NEBL: variants seen among roughly 807,000 people sequenced by gnomAD.
The protein encoded by NEBL is nebulette, also known as LIM and SH3 protein 2.
NEBL carries 122 observed loss-of-function variants against 140.2 expected under a neutral mutation model. The ratio of observed to expected loss-of-function variants is 0.87; its 90% CI spans 0.75 to 1.01. The LOEUF (loss-of-function observed/expected upper bound fraction) is 1.01, where lower values mean the gene tolerates loss of function less well. Ranked by LOEUF, NEBL falls within the 50% of genes least tolerant of loss-of-function variation. The pLI is 0.00. For synonymous variants in NEBL, 436 were observed against 398.9 expected (o/e 1.09, Z -1.11); for missense variants, 1,365 against 1,231.3 (o/e 1.11, Z -1.62).
At chr10:20,868,638 T>C (rs779222329) in intron 7 of NEBL, 26 bp downstream of exon 7, 4 of 1,429,148 alleles carry the variant, frequency 2.8e-6, no homozygotes, top group South Asian at 1.1e-5. Context: ...AATAAAGTCA[T>C]TGTGGAATCA....
At chr10:21,190,609 G>A (rs1589322518) in intron 3 of NEBL, among the ~76,000 whole-genome samples, 1 of 152,176 alleles carries the variant, frequency 6.6e-6, no homozygotes, top group East Asian at 1.9e-4. Context: ...ATTATTAGAA[G>A]TGAATTATAC....
chr10:21,103,562 A>G (rs1837576244), intron 2 of NEBL, among the ~76,000 whole-genome samples: 2 of 152,136 alleles, frequency 1.3e-5, no homozygotes, highest in African/African-American at 4.8e-5. Flanking sequence ...CCATCCTAAC[A>G]AAAGTGGTTT....
intron 10 of NEBL, 139 bp from the exon 11 acceptor site, chr10:20,850,641 G>A (rs1842419721): frequency 3.2e-6 from 2 of 626,376 alleles, no homozygotes. Context: ...TGAGCACTGG[G>A]TTCCCTTTGG....
At chr10:20,886,792 C>T (rs529610452) in intron 4 of NEBL, among the ~76,000 whole-genome samples, 7 of 152,066 alleles carry the variant, frequency 4.6e-5, no homozygotes, top group South Asian at 4.2e-4. Flanking sequence ...GATAAATACA[C>T]GTGAAATGCA....
chr10:20,865,123 C>G (rs1173769313), intron 7 of NEBL, among the ~76,000 whole-genome samples: 1 of 152,108 alleles, frequency 6.6e-6, no homozygotes, highest in Non-Finnish European at 1.5e-5. Context: ...TAAGGGCTCT[C>G]AAATAGGATT....
chr10:20,849,785 G>T (rs1314480689), intron 11 of NEBL, among the ~76,000 whole-genome samples: 1 of 152,100 alleles, frequency 6.6e-6, no homozygotes, highest in South Asian at 2.1e-4. Flanking sequence ...AAGAGAAAAG[G>T]AAATCATTCA....
At chr10:21,004,834 T>A (rs1838061936) in intron 3 of NEBL, among the ~76,000 whole-genome samples, 1 of 152,222 alleles carries the variant, frequency 6.6e-6, no homozygotes, top group Non-Finnish European at 1.5e-5. Flanking sequence ...TAGGTAACTG[T>A]GATGCATACA....
intron 2 of NEBL, among the ~76,000 whole-genome samples, chr10:21,083,026 T>G (rs1263811311): frequency 6.6e-6 from 1 of 152,148 alleles, no homozygotes; most frequent in African/African-American, 2.4e-5. Flanking sequence ...CCTTCCAAAG[T>G]GCTGGGATTA....
intron 1 of NEBL, among the ~76,000 whole-genome samples, chr10:21,282,672 G>A (rs896343212): frequency 2.0e-5 from 3 of 152,168 alleles, no homozygotes; most frequent in Non-Finnish European, 2.9e-5. Context: ...TGTCAGAGGC[G>A]TGTGAACCTC....
At chr10:20,937,205 CA>C (rs927778053) in intron 4 of NEBL, among the ~76,000 whole-genome samples, 2 of 152,166 alleles carry the variant, frequency 1.3e-5, no homozygotes, top group African/African-American at 4.8e-5. Flanking sequence ...CTTAAAGACC[CA>C]AAAGGAAAGC....
intron 3 of NEBL, among the ~76,000 whole-genome samples, chr10:21,227,721 TTCTTCTTCTTC>T (rs1842182349): frequency 1.1e-3 from 74 of 69,394 alleles, no homozygotes; most frequent in African/African-American, 3.4e-3. Flanking sequence ...TTTCTTCTTC[TTCTTCTTCTTC>T]TTCTTCTTCT....
At position 20,889,861 on chromosome 10, in the gene NEBL, C is replaced by G. The variant is rs1442801795; in HGVS notation, c.242G>C (p.Gly81Ala). 11 of 1,610,152 alleles carry G rather than the reference C, an allele frequency of 6.8e-6. No homozygotes were observed. Among genetic ancestry groups the G allele is most frequent in the Non-Finnish European group, 8.5e-6 (10 of 1,176,702 alleles). ...ATACCTTACCTCAGAAATAAAAGCA[C>G]CGATATTTTTTACATGGTTTAGCAT... ...SPMLNHVKNIGAFISEAKYKG... is the reference protein window; with the variant it reads ...SPMLNHVKNIAAFISEAKYKG... Residue 81 changes from glycine to alanine, a missense_variant, in exon 3 of 28, where the codon GGT becomes GCT. This residue lies in a region of NEBL where 1,323 missense variants were observed against 1,154.8 expected (regional missense o/e 1.15). Transcript: ENST00000377122.
intron 3 of NEBL, among the ~76,000 whole-genome samples, chr10:20,990,620 A>G (rs1837422507): frequency 6.6e-6 from 1 of 152,210 alleles, no homozygotes; most frequent in Non-Finnish European, 1.5e-5. Context: ...TCTTGTTGTA[A>G]CAACCCAAAC....
At chr10:21,085,142 G>T (rs1030988908) in intron 2 of NEBL, among the ~76,000 whole-genome samples, 1 of 152,060 alleles carries the variant, frequency 6.6e-6, no homozygotes, top group Non-Finnish European at 1.5e-5. Context: ...TTCTAAACTC[G>T]CTTGATTTTC....
At chr10:21,259,860 A>C (rs1016275889) in intron 1 of NEBL, among the ~76,000 whole-genome samples, 8 of 152,318 alleles carry the variant, frequency 5.3e-5, no homozygotes, top group Admixed American at 3.3e-4. Context: ...AAGGTGGAAC[A>C]GGAAGGTGCA....
At chr10:21,226,341 T>C (rs1842148653) in intron 3 of NEBL, among the ~76,000 whole-genome samples, 2 of 151,668 alleles carry the variant, frequency 1.3e-5, no homozygotes, top group African/African-American at 4.8e-5. Flanking sequence ...CTGCCTGGGG[T>C]TATGAGAGTG....
At chr10:21,084,946 C>T (rs775381126) in intron 2 of NEBL, among the ~76,000 whole-genome samples, 2 of 152,168 alleles carry the variant, frequency 1.3e-5, no homozygotes, top group Non-Finnish European at 2.9e-5. Flanking sequence ...CACATGAATG[C>T]TTTTTAGAAA....
At position 20,905,422 on chromosome 10, in the gene NEBL, C is replaced by T. The variant is rs1008446134; in HGVS notation, c.357+56250G>A. 2.0e-5 allele frequency among the ~76,000 whole-genome samples: 3 copies of T among 152,150 alleles called. No homozygotes were observed. The East Asian group carries it at 5.8e-4, about 29-fold the overall frequency. ...ATGGCAGAAGGGAAAGCAGGCACTT[C>T]TTACATGGTGGCAGGCAAGAGAGAG... On this transcript the variant is annotated intron_variant, in intron 4 of 6. Transcript: ENST00000417816.
intron 2 of NEBL, among the ~76,000 whole-genome samples, chr10:21,139,377 A>G (rs1839507304): frequency 6.6e-6 from 1 of 152,204 alleles, no homozygotes; most frequent in African/African-American, 2.4e-5. Flanking sequence ...AATGTAATCA[A>G]GCAGGAGGGG....
Sources: gnomAD v4.1 joint callset for allele counts (sites outside exome capture counted in the v4.1 genomes callset) on GRCh38, gnomAD v4.1.1 for gene constraint, gnomAD v4.1.1 regional missense constraint, MANE v1.5 for transcripts, NCBI Gene and HGNC (gene_info 2026-07-23, HGNC 2026-07-21) for gene names.